Variants in L3MBTL4 observed in about 807,000 individuals in gnomAD.
L3MBTL4 encodes the protein L3MBTL histone methyl-lysine binding protein 4.
L3MBTL4 carries 70 observed loss-of-function variants against 84.5 expected under a neutral mutation model. The observed-to-expected ratio is 0.83, with a 90% confidence interval of 0.68 to 1.01. L3MBTL4 has a LOEUF of 1.01. L3MBTL4 is among the 50% of genes least tolerant of loss of function. The pLI, the probability that L3MBTL4 is intolerant of heterozygous loss-of-function variation, is 0.00. For synonymous variants in L3MBTL4, 274 were observed against 259.8 expected (o/e 1.05, Z -0.52); for missense variants, 715 against 754.8 (o/e 0.95, Z 0.62).
At chr18:6,209,876 AAG>A (rs1160465439) in intron 12 of L3MBTL4, among the ~76,000 whole-genome samples, 2 of 152,216 alleles carry the variant, frequency 1.3e-5, no homozygotes, top group Non-Finnish European at 2.9e-5. Flanking sequence ...TGCCAGGTGA[AAG>A]AAGCCAATCA....
chr18:6,351,789 G>A (rs2053210622), intron 1 of L3MBTL4, among the ~76,000 whole-genome samples: 1 of 151,980 alleles, frequency 6.6e-6, no homozygotes, highest in South Asian at 2.1e-4. Context: ...CTGACCTCGT[G>A]ATCCGCCCGC....
chr18:5,979,087 G>T (rs1454704103), intron 16 of L3MBTL4, among the ~76,000 whole-genome samples: 4 of 152,136 alleles, frequency 2.6e-5, no homozygotes, highest in Non-Finnish European at 4.4e-5. Context: ...ATAACTCTTG[G>T]GAAGGGGCAA....
rs528434369 is a variant in L3MBTL4 at position 6,393,433 on chromosome 18, A to C, written c.-91+21368T>G. Among the ~76,000 whole-genome samples the C allele has an allele frequency of 5.9e-5, 9 of 152,280 alleles. No individual in the cohort carries two copies. The East Asian group carries it at 1.7e-3, about 29-fold the overall frequency. On this transcript the variant is annotated intron_variant, in intron 1 of 18. Coordinates refer to ENST00000317931, the MANE Select transcript of L3MBTL4 (RefSeq NM_001330559.2). ...AGGATCAGGAATAAGCTTGAAATGA[A>C]AGCCCACAATGCTCCAACAACTAAT...
intron 8 of L3MBTL4, 28 bp from the exon 9 acceptor site, chr18:6,239,900 C>T (rs368675296): frequency 6.2e-7 from 1 of 1,612,650 alleles, no homozygotes; most frequent in African/African-American, 1.3e-5. Context: ...GGGGAAGAAG[C>T]ACAAAAAGAA....
At chr18:6,407,998 CAGAG>C (rs1186928714) in intron 1 of L3MBTL4, among the ~76,000 whole-genome samples, 4 of 152,002 alleles carry the variant, frequency 2.6e-5, no homozygotes, top group Non-Finnish European at 5.9e-5. Context: ...AAAAGCCCAC[CAGAG>C]AGAGAAGATA....
At chr18:6,270,123 A>G (rs530378764) in intron 4 of L3MBTL4, among the ~76,000 whole-genome samples, 9 of 152,142 alleles carry the variant, frequency 5.9e-5, no homozygotes, top group Non-Finnish European at 1.2e-4. Flanking sequence ...TGTTATAAAT[A>G]GCGCCTTCTT....
At chr18:6,264,772 G>A (rs761165317) in intron 4 of L3MBTL4, among the ~76,000 whole-genome samples, 17 of 152,102 alleles carry the variant, frequency 1.1e-4, no homozygotes, top group Non-Finnish European at 2.1e-4. Context: ...CCACAAGAGC[G>A]AAATCTCATC....
chr18:6,064,598 GTT>G (rs143605097), intron 16 of L3MBTL4, among the ~76,000 whole-genome samples: 10 of 140,812 alleles, frequency 7.1e-5, no homozygotes, highest in Admixed American at 5.7e-4. Flanking sequence ...ATATTCCTAG[GTT>G]TTTTTTTTTT....
rs552323575 is a variant in L3MBTL4, at chr18:6,263,647, G to A, written c.219+300C>T. On this transcript the variant is annotated intron_variant, in intron 5 of 18. Coordinates refer to ENST00000317931, the MANE Select transcript of L3MBTL4 (RefSeq NM_001330559.2). Reference sequence around the variant, plus strand: ...CACATTGCATCCTATATCCTTTACGGGTACAACTGATTTAGTCCTCCAACC... The same window carrying A: ...CACATTGCATCCTATATCCTTTACGAGTACAACTGATTTAGTCCTCCAACC... Among the ~76,000 whole-genome samples the A allele has an allele frequency of 6.6e-5, 10 of 152,210 alleles. No individual in the cohort carries two copies. In the South Asian group the frequency reaches 1.7e-3, roughly 25 times the overall value.
Position 6,163,587 on chromosome 18 carries a change from C to T in L3MBTL4, c.1096+8241G>A, listed in dbSNP as rs551196709. On this transcript the variant is annotated intron_variant, in intron 13 of 18. Transcript: ENST00000317931. Reference sequence around the variant, plus strand: ...ACAGCCAATTACAAGTTGTCTTTCCCCCAAATTCTAGGGACTGTAATTACC... The same window carrying T: ...ACAGCCAATTACAAGTTGTCTTTCCTCCAAATTCTAGGGACTGTAATTACC... Among the ~76,000 whole-genome samples the T allele has an allele frequency of 4.3e-4, 66 of 152,056 alleles. 1 individual carries two copies. Among genetic ancestry groups the T allele is most frequent in the Non-Finnish European group, 1.8e-4 (12 of 68,016 alleles).
intron 4 of L3MBTL4, among the ~76,000 whole-genome samples, chr18:6,292,564 CT>C (rs2049913770): frequency 6.6e-6 from 1 of 152,178 alleles, no homozygotes; most frequent in African/African-American, 2.4e-5. Flanking sequence ...TACCTTCCCC[CT>C]ATTGTAGGAC....
chr18:6,338,620 G>A (rs1357553813), intron 1 of L3MBTL4, among the ~76,000 whole-genome samples: 1 of 151,802 alleles, frequency 6.6e-6, no homozygotes. Flanking sequence ...AAGACAAAGA[G>A]TTGGTGACAA....
At chr18:6,176,628 T>A (rs1413078300) in intron 12 of L3MBTL4, among the ~76,000 whole-genome samples, 1 of 152,122 alleles carries the variant, frequency 6.6e-6, no homozygotes, top group Non-Finnish European at 1.5e-5. Context: ...AGATAAAGTC[T>A]TCATGATATT....
intron 16 of L3MBTL4, chr18:6,032,299 A>C: frequency 1.0e-6 from 1 of 970,222 alleles, no homozygotes; most frequent in Non-Finnish European, 1.2e-6. Context: ...AAAAAAAAAA[A>C]GAACTAACAA....
chr18:6,059,682 C>T (rs2057141197), intron 16 of L3MBTL4, among the ~76,000 whole-genome samples: 1 of 152,174 alleles, frequency 6.6e-6, no homozygotes, highest in African/African-American at 2.4e-5. Context: ...CACTCAGTTC[C>T]AAGAATCTTC....
chr18:6,158,473 C>A (rs1713505107), intron 13 of L3MBTL4, among the ~76,000 whole-genome samples: 1 of 151,984 alleles, frequency 6.6e-6, no homozygotes, highest in South Asian at 2.1e-4. Flanking sequence ...TTTGTGTTCA[C>A]CAATTGAGAG....
chr18:6,214,528 CA>C (rs907350010), intron 11 of L3MBTL4, among the ~76,000 whole-genome samples: 6 of 152,128 alleles, frequency 3.9e-5, no homozygotes, highest in African/African-American at 1.4e-4. Flanking sequence ...TCAGAAATGG[CA>C]AAAGGAAAAT....
chr18:6,107,183 G>T (rs59434210), intron 14 of L3MBTL4, among the ~76,000 whole-genome samples: 1 of 152,086 alleles, frequency 6.6e-6, no homozygotes, highest in Admixed American at 6.5e-5. Context: ...TCCTGTTGCC[G>T]CCCTTGTTGT....
At chr18:6,227,822 C>T (rs1456875333) in intron 10 of L3MBTL4, among the ~76,000 whole-genome samples, 10 of 152,052 alleles carry the variant, frequency 6.6e-5, no homozygotes, top group African/African-American at 9.7e-5. Flanking sequence ...AGGTGCATGC[C>T]GCCACACCTA....
Sources: gnomAD v4.1 joint callset for allele counts (sites outside exome capture counted in the v4.1 genomes callset) on GRCh38, gnomAD v4.1.1 for gene constraint, MANE v1.5 for transcripts, NCBI Gene and HGNC (gene_info 2026-07-23, HGNC 2026-07-21) for gene names.